VPS8: variants seen among roughly 807,000 people sequenced by gnomAD.
The protein encoded by VPS8 is VPS8 subunit of CORVET complex, also known as vacuolar protein sorting-associated protein 8 homolog.
Under a neutral mutation model 216.4 loss-of-function variants are expected in VPS8, and 129 were observed. That is an observed-to-expected ratio of 0.60 (90% confidence interval 0.52 to 0.69). VPS8 has a LOEUF of 0.69. Ranked by LOEUF, VPS8 falls within the 30% of genes least tolerant of loss-of-function variation. The pLI is 0.00. For synonymous variants in VPS8, 571 were observed against 565.4 expected, an observed-to-expected ratio of 1.01 and a Z score of -0.14; for missense variants, 1,531 against 1,683.5, an observed-to-expected ratio of 0.91 and a Z score of 1.59.
chr3:185,008,872 T>C (rs1211910619), intron 45 of VPS8, among the ~76,000 whole-genome samples: 4 of 152,146 alleles, frequency 2.6e-5, no homozygotes, highest in Non-Finnish European at 4.4e-5. Context: ...TTATATCAAA[T>C]ATATAGTTTC....
At chr3:184,855,666 T>G (rs773935806) in intron 13 of VPS8, 45 bp from the exon 14 acceptor site, 2 of 1,453,234 alleles carry the variant, frequency 1.4e-6, no homozygotes, top group East Asian at 2.3e-5. Flanking sequence ...TTTGTCCCCT[T>G]GTTTATTAAC....
At chr3:184,817,711 T>C (rs1716640900) in intron 1 of VPS8, among the ~76,000 whole-genome samples, 1 of 152,244 alleles carries the variant, frequency 6.6e-6, no homozygotes, top group Non-Finnish European at 1.5e-5. Flanking sequence ...CTGATAGATT[T>C]AATTTGCAAC....
At chr3:184,894,526 A>C (rs921938370) in intron 22 of VPS8, among the ~76,000 whole-genome samples, 177 bp from the exon 23 acceptor site, 27 of 138,462 alleles carry the variant, frequency 1.9e-4, no homozygotes, top group African/African-American at 7.0e-4. Context: ...ATATATATAT[A>C]TATATACACA....
At chr3:184,840,971 A>T (rs981060841) in intron 7 of VPS8, among the ~76,000 whole-genome samples, 1 of 152,148 alleles carries the variant, frequency 6.6e-6, no homozygotes, top group Non-Finnish European at 1.5e-5. Flanking sequence ...GTTGGTTTTG[A>T]ATGATTTGGC....
intron 25 of VPS8, among the ~76,000 whole-genome samples, chr3:184,907,489 C>T (rs918233048): frequency 6.6e-6 from 1 of 152,138 alleles, no homozygotes; most frequent in Admixed American, 6.5e-5. Context: ...CATTAGTTCC[C>T]AGCTTGAGTT....
At chr3:184,887,444 AT>A (rs1731494352) in intron 22 of VPS8, among the ~76,000 whole-genome samples, 2 of 151,322 alleles carry the variant, frequency 1.3e-5, no homozygotes, top group Non-Finnish European at 2.9e-5. Context: ...ATAACCAGGT[AT>A]TGTTCTAAAC....
At chr3:184,967,601 G>A (rs1047145572) in intron 39 of VPS8, among the ~76,000 whole-genome samples, 1 of 152,084 alleles carries the variant, frequency 6.6e-6, no homozygotes, top group Non-Finnish European at 1.5e-5. Context: ...ACTTTAGGAG[G>A]CCGAGGCAGG....
chr3:184,942,632 C>T (rs917273390), intron 36 of VPS8, among the ~76,000 whole-genome samples: 2 of 152,184 alleles, frequency 1.3e-5, no homozygotes, highest in African/African-American at 4.8e-5. Flanking sequence ...TCCAAAGTAT[C>T]AAAGACCGCG....
At chr3:184,965,823 G>C (rs1747316330) in intron 38 of VPS8, among the ~76,000 whole-genome samples, 1 of 152,184 alleles carries the variant, frequency 6.6e-6, no homozygotes, top group Non-Finnish European at 1.5e-5. Context: ...ATGAGAGCTT[G>C]AACTGGGTGT....
chr3:184,987,641 C>T (rs1026253043), intron 42 of VPS8, among the ~76,000 whole-genome samples: 1 of 152,160 alleles, frequency 6.6e-6, no homozygotes, highest in Non-Finnish European at 1.5e-5. Flanking sequence ...TATCAAAGAA[C>T]ATCTTGGTTG....
intron 40 of VPS8, among the ~76,000 whole-genome samples, chr3:184,980,240 C>T (rs1293044124): frequency 1.3e-5 from 2 of 151,372 alleles, no homozygotes; most frequent in East Asian, 1.9e-4. Flanking sequence ...TTCATGTTGA[C>T]CTTGGAGATC....
intron 2 of VPS8, among the ~76,000 whole-genome samples, chr3:184,825,359 T>C (rs538858865): frequency 6.6e-6 from 1 of 152,054 alleles, no homozygotes; most frequent in Admixed American, 6.5e-5. Flanking sequence ...TAGTTCCTTA[T>C]CTTGCACAGC....
intron 45 of VPS8, among the ~76,000 whole-genome samples, chr3:185,003,515 T>C (rs1280079258): frequency 6.7e-6 from 1 of 149,540 alleles, no homozygotes; most frequent in African/African-American, 2.5e-5. Flanking sequence ...GAATTTTTCT[T>C]AGTACAGAAC....
At position 184,853,854 on chromosome 3, in the gene VPS8, C is replaced by T. The variant is rs562524542; in HGVS notation, c.822-3C>T. ...ATTCTGAATTTTCAAATTGCATTTT[C>T]AGGAGAGTGATGGGAGTGAGAACCT... is the stretch of plus-strand genomic sequence containing the variant. On this transcript the variant is annotated splice_polypyrimidine_tract_variant and splice_region_variant and intron_variant, in intron 11 of 47. Transcript: ENST00000625842. 1 of 1,564,444 alleles carries T rather than the reference C, an allele frequency of 6.4e-7. No individual in the cohort carries two copies. The highest frequency in any genetic ancestry group is 1.4e-5 in the African/African-American group (1 of 73,962).
At chr3:184,986,401 G>A (rs1482112422) in intron 42 of VPS8, among the ~76,000 whole-genome samples, 1 of 152,158 alleles carries the variant, frequency 6.6e-6, no homozygotes, top group African/African-American at 2.4e-5. Flanking sequence ...AAGGAGTTTG[G>A]ATTTTATTCT....
In VPS8 at chr3:184,971,501, C is replaced by G; in HGVS notation, c.3317-148C>G. On this transcript the variant is annotated intron_variant, in intron 39 of 47. Transcript: ENST00000625842. Reference sequence around the variant, plus strand: ...TTCACGGAATAATCTGTTTTTTAATCTATAAAACATTAGCATCAGGTTTTA... The same window carrying G: ...TTCACGGAATAATCTGTTTTTTAATGTATAAAACATTAGCATCAGGTTTTA... 1.1e-5 allele frequency: 6 copies of G among 534,264 alleles called. No homozygotes were observed. The South Asian group carries it at 1.2e-4, about 10-fold the overall frequency. 33.1% of individuals were successfully genotyped at this position (534,264 alleles called of 1,614,324 possible).
At chr3:184,982,022 T>A (rs1279269565) in intron 40 of VPS8, among the ~76,000 whole-genome samples, 1 of 152,210 alleles carries the variant, frequency 6.6e-6, no homozygotes, top group Non-Finnish European at 1.5e-5. Context: ...TAACTTCTAT[T>A]TCCTGGTCCG....
chr3:185,048,426 AG>A, intron 46 of VPS8, 52 bp from the exon 47 acceptor site: 2 of 1,572,328 alleles, frequency 1.3e-6, no homozygotes, highest in Non-Finnish European at 1.7e-6. Flanking sequence ...GAGCAAGTTG[AG>A]AGGCTGCCTA....
chr3:184,836,489 C>A (rs1288723029), intron 5 of VPS8, among the ~76,000 whole-genome samples: 1 of 152,154 alleles, frequency 6.6e-6, no homozygotes, highest in Non-Finnish European at 1.5e-5. Context: ...AGGAGTTCTC[C>A]TTCCCCTTGA....
Sources: gnomAD v4.1 joint callset for allele counts (sites outside exome capture counted in the v4.1 genomes callset) on GRCh38, gnomAD v4.1.1 for gene constraint, MANE v1.5 for transcripts, NCBI Gene and HGNC (gene_info 2026-07-23, HGNC 2026-07-21) for gene names.